ADTRP: variants seen among roughly 807,000 people sequenced by gnomAD.
ADTRP encodes the protein androgen-dependent TFPI-regulating protein.
Under a neutral mutation model 27.0 loss-of-function variants are expected in ADTRP, and 20 were observed. That is an observed-to-expected ratio of 0.74 (90% CI 0.52 to 1.08). The LOEUF (loss-of-function observed/expected upper bound fraction) is 1.08, where lower values mean the gene tolerates loss of function less well. Among genes scored for constraint, ADTRP ranks in the 50% least tolerant of loss-of-function variants. The pLI is 0.00. For synonymous variants in ADTRP, 101 were observed against 105.2 expected (o/e 0.96, Z 0.25); for missense variants, 251 against 275.0 (o/e 0.91, Z 0.62).
chr6:11,715,119 T>G (rs1182847629), intron 5 of ADTRP, among the ~76,000 whole-genome samples: 2 of 152,250 alleles, frequency 1.3e-5, no homozygotes, highest in Non-Finnish European at 2.9e-5. Flanking sequence ...TTGTGTAAGC[T>G]CTGCAATTTG....
At chr6:11,716,926 AT>A (rs1761851589) in intron 5 of ADTRP, among the ~76,000 whole-genome samples, 1 of 142,020 alleles carries the variant, frequency 7.0e-6, no homozygotes, top group Non-Finnish European at 1.5e-5. Context: ...GGGTTTCACC[AT>A]GTAGGCCAGG....
chr6:11,716,725 T>C (rs148804223), intron 5 of ADTRP, among the ~76,000 whole-genome samples: 4 of 42,696 alleles, frequency 9.4e-5, no homozygotes, highest in African/African-American at 2.1e-4. Context: ...TTTTCTTTTT[T>C]TTTTTTTGAG....
intron 3 of ADTRP, among the ~76,000 whole-genome samples, chr6:11,756,966 A>C (rs13196141): frequency 0.051 from 7,804 of 152,324 alleles, 220 homozygotes; most frequent in Middle Eastern, 0.11. Context: ...AGGGCTCACT[A>C]TTTGATAGCA....
chr6:11,715,805 GCTTT>G (rs1325341520), intron 5 of ADTRP, among the ~76,000 whole-genome samples: 2 of 89,254 alleles, frequency 2.2e-5, no homozygotes, highest in African/African-American at 4.9e-5. Context: ...ACCATGCCCA[GCTTT>G]TTTTTTTTTT....
intron 5 of ADTRP, chr6:11,717,201 C>T: frequency 8.9e-7 from 1 of 1,118,668 alleles, no homozygotes; most frequent in Non-Finnish European, 1.2e-6. Context: ...TAGAAAGTAT[C>T]CTAGTTGGCA....
At chr6:11,731,429 C>T (rs1357831319) in intron 4 of ADTRP, among the ~76,000 whole-genome samples, 5 of 152,190 alleles carry the variant, frequency 3.3e-5, no homozygotes, top group African/African-American at 9.7e-5. Context: ...AAACAAACAA[C>T]AGCAACAACA....
intron 3 of ADTRP, among the ~76,000 whole-genome samples, chr6:11,755,882 C>A (rs1009057565): frequency 1.3e-5 from 2 of 152,174 alleles, no homozygotes; most frequent in African/African-American, 4.8e-5. Context: ...ACATGTTTGG[C>A]AATGCTCTGA....
chr6:11,737,732 C>T (rs1762593797), intron 3 of ADTRP, among the ~76,000 whole-genome samples: 1 of 152,144 alleles, frequency 6.6e-6, no homozygotes, highest in Non-Finnish European at 1.5e-5. Context: ...GGGCCCTGGG[C>T]ACCCTGAATT....
In ADTRP at chr6:11,778,723, C is replaced by T; in HGVS notation, c.37G>A (p.Val13Ile). 1 of 1,614,214 alleles carries T rather than the reference C, an allele frequency of 6.2e-7. No homozygotes were observed. The highest frequency in any genetic ancestry group is 8.5e-7 in the Non-Finnish European group (1 of 1,180,034). The change falls in exon 1 of 6, where the codon GTT becomes ATT. Residue 13 changes from valine to isoleucine, a missense_variant. Physicochemically the swap from Val to Ile is conservative, Grantham distance 29 (BLOSUM62 3). Coordinates refer to ENST00000414691, the MANE Select transcript of ADTRP (RefSeq NM_032744.4). ...KTSTCIYHFL[V>I]LSWYTFLNYY... The stretch of plus-strand genomic sequence containing the variant: ...TTGAGGAAAGTATACCAGCTCAGAA[C>T]AAGGAAGTGGTATATGCATGTAGAA...
At chr6:11,745,827 G>C (rs2113270058) in intron 3 of ADTRP, among the ~76,000 whole-genome samples, 1 of 151,688 alleles carries the variant, frequency 6.6e-6, no homozygotes, top group Non-Finnish European at 1.5e-5. Context: ...GTCTTGCTCT[G>C]TCACCCAGGC....
intron 4 of ADTRP, among the ~76,000 whole-genome samples, chr6:11,724,014 C>A (rs1762105980): frequency 6.6e-6 from 1 of 152,106 alleles, no homozygotes; most frequent in Non-Finnish European, 1.5e-5. Flanking sequence ...GATCCAAGAT[C>A]ACGCCACTGC....
chr6:11,770,157 G>C, intron 1 of ADTRP: 1 of 1,388,552 alleles, frequency 7.2e-7, no homozygotes, highest in Non-Finnish European at 1.0e-6. Context: ...TGGGAGGTCA[G>C]AAGAGAGACA....
intron 3 of ADTRP, among the ~76,000 whole-genome samples, chr6:11,739,180 T>C (rs1477756058): frequency 6.6e-6 from 1 of 152,246 alleles, no homozygotes; most frequent in Non-Finnish European, 1.5e-5. Context: ...TCACTCTGTA[T>C]TTCAATTAAC....
chr6:11,737,822 T>TA (rs1197751382), intron 3 of ADTRP, among the ~76,000 whole-genome samples: 3 of 152,130 alleles, frequency 2.0e-5, no homozygotes, highest in Non-Finnish European at 4.4e-5. Context: ...GTCCTGAACA[T>TA]ACTGACTGGT....
intron 4 of ADTRP, among the ~76,000 whole-genome samples, chr6:11,724,090 C>CAA (rs1350703444): frequency 7.6e-6 from 1 of 132,020 alleles, no homozygotes; most frequent in African/African-American, 2.8e-5. Context: ...AACAAACAAA[C>CAA]ATAGAACCAT....
intron 3 of ADTRP, among the ~76,000 whole-genome samples, chr6:11,765,656 C>A (rs1763549001): frequency 6.6e-6 from 1 of 152,108 alleles, no homozygotes; most frequent in Admixed American, 6.6e-5. Context: ...CCTCCTCCAA[C>A]CGAGACCTGG....
At position 11,715,609 on chromosome 6, in the gene ADTRP, T is replaced by A. The variant is rs557733214; in HGVS notation, c.659-1097A>T. ...TCAAGCTTTATGGATTTCACGTTGT[T>A]TTCATTGGTGTGTCTACTTCTTTCT... On this transcript the variant is annotated intron_variant, in intron 5 of 5. Transcript: ENST00000414691. 3.9e-5 allele frequency among the ~76,000 whole-genome samples: 6 copies of A among 151,906 alleles called. No homozygotes were observed. The South Asian group carries it at 1.2e-3, about 32-fold the overall frequency.
intron 1 of ADTRP, among the ~76,000 whole-genome samples, chr6:11,776,398 A>G (rs2235384): frequency 0.77 from 116,867 of 152,120 alleles, 45,958 homozygotes; most frequent in Non-Finnish European, 0.86. Flanking sequence ...AAATATAGAC[A>G]GTTAGGGTTG....
intron 1 of ADTRP, 61 bp downstream of exon 1, chr6:11,778,546 T>C: frequency 6.5e-7 from 1 of 1,527,810 alleles, no homozygotes. Flanking sequence ...AGATGATATG[T>C]GTGGCAGCAC....
Sources: gnomAD v4.1 joint callset for allele counts (sites outside exome capture counted in the v4.1 genomes callset) on GRCh38, gnomAD v4.1.1 for gene constraint, MANE v1.5 for transcripts, NCBI Gene and HGNC (gene_info 2026-07-23, HGNC 2026-07-21) for gene names.